The following PPM1L variants were observed in gnomAD, a reference collection of about 807,000 sequenced individuals.
PPM1L encodes protein phosphatase, Mg2+/Mn2+ dependent 1L.
Under a neutral mutation model 31.4 loss-of-function variants are expected in PPM1L, and 13 were observed. That is an observed-to-expected ratio of 0.41 (90% CI 0.27 to 0.66). PPM1L has a LOEUF of 0.66. Ranked by LOEUF, PPM1L falls within the 30% of genes least tolerant of loss-of-function variation. The pLI, the probability that PPM1L is intolerant of heterozygous loss-of-function variation, is 0.29. For missense variants in PPM1L, 326 were observed against 453.7 expected (o/e 0.72, Z 2.56); for synonymous variants, 184 against 175.4 (o/e 1.05, Z -0.39).
chr3:160,799,443 C>T (rs1712358101), intron 1 of PPM1L, among the ~76,000 whole-genome samples: 3 of 152,202 alleles, frequency 2.0e-5, no homozygotes, highest in African/African-American at 7.2e-5. Flanking sequence ...TGATTATCAG[C>T]ATTTTAAAAG....
At chr3:161,068,393 G>A (rs1035501615) in intron 3 of PPM1L, among the ~76,000 whole-genome samples, 2 of 152,098 alleles carry the variant, frequency 1.3e-5, no homozygotes, top group Non-Finnish European at 2.9e-5. Context: ...ACCTATATAG[G>A]CACACTTATG....
chr3:160,832,262 A>C (rs948970052), intron 1 of PPM1L, among the ~76,000 whole-genome samples: 3 of 152,222 alleles, frequency 2.0e-5, no homozygotes, highest in Admixed American at 2.0e-4. Flanking sequence ...GCTTGGTGGG[A>C]TGGGGAACTC....
chr3:160,912,961 T>G (rs1714025409), intron 1 of PPM1L, among the ~76,000 whole-genome samples: 1 of 152,206 alleles, frequency 6.6e-6, no homozygotes, highest in Non-Finnish European at 1.5e-5. Flanking sequence ...AAGTTACATT[T>G]GATAACCTCT....
chr3:160,814,678 T>G (rs150307783), intron 1 of PPM1L, among the ~76,000 whole-genome samples: 2 of 149,264 alleles, frequency 1.3e-5, no homozygotes. Context: ...ATACCATATA[T>G]ATGGTATATA....
chr3:160,902,972 A>G (rs1713595270), intron 1 of PPM1L, among the ~76,000 whole-genome samples: 2 of 152,312 alleles, frequency 1.3e-5, no homozygotes, highest in South Asian at 4.1e-4. Context: ...GAAACAGACA[A>G]GTTTGAACCC....
chr3:160,884,558 C>A (rs1250554851), intron 1 of PPM1L, among the ~76,000 whole-genome samples: 1 of 152,168 alleles, frequency 6.6e-6, no homozygotes, highest in African/African-American at 2.4e-5. Context: ...TTTGAGTAGA[C>A]TAATGTATTT....
chr3:160,889,521 C>T (rs1226233822), intron 1 of PPM1L, among the ~76,000 whole-genome samples: 1 of 152,084 alleles, frequency 6.6e-6, no homozygotes, highest in African/African-American at 2.4e-5. Flanking sequence ...GGCCTACCAA[C>T]CAAAAAAAGC....
intron 1 of PPM1L, among the ~76,000 whole-genome samples, chr3:160,852,396 C>T (rs538688878): frequency 6.6e-6 from 1 of 152,254 alleles, no homozygotes; most frequent in Non-Finnish European, 1.5e-5. Flanking sequence ...TTTAATGAAG[C>T]ATGTTAATGT....
chr3:160,980,740 GAGAA>G (rs199996196), intron 2 of PPM1L, among the ~76,000 whole-genome samples: 1,819 of 145,920 alleles, frequency 0.012, 37 homozygotes, highest in African/African-American at 0.043. Flanking sequence ...GAAAAAGAAA[GAGAA>G]AGAAAGAAAG....
At chr3:160,764,620 C>G (rs917288910) in intron 1 of PPM1L, among the ~76,000 whole-genome samples, 6 of 152,070 alleles carry the variant, frequency 3.9e-5, no homozygotes, top group Non-Finnish European at 5.9e-5. Context: ...GCACCCGCCA[C>G]TATGCCCAGC....
chr3:160,867,236 T>A (rs12486691), intron 1 of PPM1L, among the ~76,000 whole-genome samples: 6,782 of 152,192 alleles, frequency 0.045, 210 homozygotes, highest in Admixed American at 0.093. Flanking sequence ...TTTAATGAAC[T>A]CTTAAAATGA....
chr3:160,935,275 C>G (rs2108082453), intron 1 of PPM1L, among the ~76,000 whole-genome samples: 1 of 152,296 alleles, frequency 6.6e-6, no homozygotes, highest in East Asian at 1.9e-4. Flanking sequence ...TTCTGTCACC[C>G]TGAAGATGTA....
intron 1 of PPM1L, among the ~76,000 whole-genome samples, chr3:160,760,721 TG>T (rs961102906): frequency 4.6e-5 from 7 of 152,006 alleles, no homozygotes; most frequent in African/African-American, 1.7e-4. Flanking sequence ...GTTTTTTTTT[TG>T]TTTTTTTTTT....
intron 1 of PPM1L, among the ~76,000 whole-genome samples, chr3:160,829,996 G>A (rs1046291755): frequency 6.6e-6 from 1 of 152,170 alleles, no homozygotes; most frequent in Non-Finnish European, 1.5e-5. Context: ...AAGTGGATTG[G>A]TCTGTCACAT....
chr3:160,762,119 A>G (rs1377391762), intron 1 of PPM1L, among the ~76,000 whole-genome samples: 2 of 152,202 alleles, frequency 1.3e-5, no homozygotes, highest in African/African-American at 4.8e-5. Flanking sequence ...CTTCTGAATA[A>G]ATAAATTATG....
intron 1 of PPM1L, among the ~76,000 whole-genome samples, chr3:160,757,262 C>G (rs933583138): frequency 7.2e-5 from 11 of 152,258 alleles, no homozygotes; most frequent in African/African-American, 2.7e-4. Context: ...CTTTCCAACT[C>G]TATCAACTTT....
intron 1 of PPM1L, among the ~76,000 whole-genome samples, chr3:160,839,964 T>C (rs765221540): frequency 5.3e-5 from 8 of 152,136 alleles, no homozygotes; most frequent in Non-Finnish European, 1.0e-4. Flanking sequence ...AGACATACGG[T>C]TTATAAAAGT....
At chr3:160,810,596 C>T (rs1054771636) in intron 1 of PPM1L, among the ~76,000 whole-genome samples, 4 of 152,178 alleles carry the variant, frequency 2.6e-5, no homozygotes, top group African/African-American at 9.7e-5. Context: ...GGACTTGGCA[C>T]CAAAGTTGTA....
At chr3:161,013,778 A>T (rs1480158002) in intron 2 of PPM1L, among the ~76,000 whole-genome samples, 1 of 152,196 alleles carries the variant, frequency 6.6e-6, no homozygotes, top group Non-Finnish European at 1.5e-5. Context: ...CCATTATGTA[A>T]TGACCTTCTT....
Sources: gnomAD v4.1 joint callset for allele counts (sites outside exome capture counted in the v4.1 genomes callset) on GRCh38, gnomAD v4.1.1 for gene constraint, MANE v1.5 for transcripts, NCBI Gene and HGNC (gene_info 2026-07-23, HGNC 2026-07-21) for gene names.